ACCSL: variants seen among roughly 807,000 people sequenced by gnomAD.
ACCSL encodes the protein probable inactive 1-aminocyclopropane-1-carboxylate synthase-like protein 2.
Under a neutral mutation model 61.7 loss-of-function variants are expected in ACCSL, and 55 were observed. The ratio of observed to expected loss-of-function variants is 0.89; its 90% CI spans 0.72 to 1.12. The LOEUF (loss-of-function observed/expected upper bound fraction) is 1.12, where lower values mean the gene tolerates loss of function less well. Among genes scored for constraint, ACCSL ranks in the 50% most tolerant of loss-of-function variants. ACCSL has a pLI of 0.00. For synonymous variants in ACCSL, 258 were observed against 264.3 expected, an observed-to-expected ratio of 0.98 and a Z score of 0.23; for missense variants, 632 against 698.0, an observed-to-expected ratio of 0.91 and a Z score of 1.07.
chr11:44,000,154 T>G, the ACCSL span, among the ~76,000 whole-genome samples: 1 of 152,094 alleles, frequency 6.6e-6, no homozygotes, highest in Non-Finnish European at 1.5e-5. Context: ...AGATGGAGTC[T>G]TGCTCTGTTG....
chr11:44,049,726 AACTTTTCTAAACTTCACTCT>A (rs1952623994), intron 1 of ACCSL, among the ~76,000 whole-genome samples: 1 of 152,202 alleles, frequency 6.6e-6, no homozygotes, highest in South Asian at 2.1e-4. Context: ...TAGGCTATTC[AACTTTTCTAAACTTCACTCT>A]TTAAACTGGA....
At chr11:44,028,923 C>CT in the ACCSL span, among the ~76,000 whole-genome samples, 1 of 152,186 alleles carries the variant, frequency 6.6e-6, no homozygotes, top group Non-Finnish European at 1.5e-5. Flanking sequence ...TGGATGTGTC[C>CT]TTTAGAACAG....
chr11:43,975,459 A>G, the ACCSL span, among the ~76,000 whole-genome samples: 6 of 152,204 alleles, frequency 3.9e-5, no homozygotes, highest in Non-Finnish European at 8.8e-5. Context: ...ATTCATGCAG[A>G]CAGAATGTCC....
upstream of ACCSL, chr11:44,047,938 ACCTG>A: frequency 7.0e-7 from 1 of 1,432,742 alleles, no homozygotes; most frequent in Non-Finnish European, 9.4e-7. Flanking sequence ...CCATTCCTGG[ACCTG>A]AGGGTCCAGG....
chr11:43,922,997 G>A, the ACCSL span, among the ~76,000 whole-genome samples: 2 of 152,226 alleles, frequency 1.3e-5, no homozygotes, highest in African/African-American at 2.4e-5. Context: ...TAGCTCGGGT[G>A]GCATTGACAA....
At chr11:43,927,435 A>G in the ACCSL span, among the ~76,000 whole-genome samples, 5 of 152,356 alleles carry the variant, frequency 3.3e-5, no homozygotes, top group Non-Finnish European at 5.9e-5. Context: ...AAAAGCTGCA[A>G]TATGTACTAG....
chr11:44,006,172 C>A, the ACCSL span, among the ~76,000 whole-genome samples: 9 of 152,204 alleles, frequency 5.9e-5, no homozygotes, highest in Non-Finnish European at 8.8e-5. Flanking sequence ...CCTCCTCTGG[C>A]AGCCAGGGCC....
At chr11:43,993,479 G>C in the ACCSL span, among the ~76,000 whole-genome samples, 1 of 152,132 alleles carries the variant, frequency 6.6e-6, no homozygotes, top group Non-Finnish European at 1.5e-5. Context: ...GCTGGTTAGG[G>C]AAGAAATATC....
the ACCSL span, among the ~76,000 whole-genome samples, chr11:44,009,843 C>T: frequency 1.3e-5 from 2 of 152,102 alleles, no homozygotes; most frequent in Non-Finnish European, 2.9e-5. Flanking sequence ...CTCTGGCTGC[C>T]CATAGAAAAG....
chr11:44,038,605 G>C, the ACCSL span, among the ~76,000 whole-genome samples: 1 of 152,038 alleles, frequency 6.6e-6, no homozygotes, highest in Admixed American at 6.6e-5. Context: ...GTTGTTAGAG[G>C]GTAGAGTTAG....
chr11:44,056,409 T>C (rs1952672154), intron 11 of ACCSL, 83 bp downstream of exon 11: 2 of 1,483,522 alleles, frequency 1.3e-6, no homozygotes, highest in Non-Finnish European at 1.8e-6. Context: ...GCCTCTGATG[T>C]GCCCTTAATA....
chr11:43,982,547 C>T, the ACCSL span, among the ~76,000 whole-genome samples: 20,811 of 152,042 alleles, frequency 0.14, 1,544 homozygotes, highest in Non-Finnish European at 0.17. Context: ...ACAACACGTC[C>T]CCACTTTACC....
the ACCSL span, among the ~76,000 whole-genome samples, chr11:44,017,528 A>G: frequency 6.6e-6 from 1 of 152,238 alleles, no homozygotes; most frequent in East Asian, 1.9e-4. Context: ...CACCTGGCCT[A>G]TGGGGGTTAG....
the ACCSL span, among the ~76,000 whole-genome samples, chr11:43,964,904 G>GA: frequency 1.4e-4 from 21 of 152,204 alleles, no homozygotes; most frequent in East Asian, 2.9e-3. Context: ...ATTTTCATCA[G>GA]AAAAACACTC....
At chr11:44,026,729 G>T in the ACCSL span, among the ~76,000 whole-genome samples, 107 of 151,914 alleles carry the variant, frequency 7.0e-4, no homozygotes, top group Non-Finnish European at 1.4e-3. Flanking sequence ...GACTTATCTA[G>T]ACTAATTTTT....
chr11:43,985,638 C>T, the ACCSL span, among the ~76,000 whole-genome samples: 1 of 152,168 alleles, frequency 6.6e-6, no homozygotes, highest in African/African-American at 2.4e-5. Flanking sequence ...TTGAGGGGCA[C>T]GGTCTGGTGA....
At chr11:43,959,852 G>A in the ACCSL span, among the ~76,000 whole-genome samples, 4 of 152,078 alleles carry the variant, frequency 2.6e-5, no homozygotes, top group African/African-American at 7.2e-5. Context: ...TCCTCTTCCC[G>A]CACTTGGGGA....
the ACCSL span, among the ~76,000 whole-genome samples, chr11:44,005,737 A>C: frequency 6.6e-6 from 1 of 152,154 alleles, no homozygotes; most frequent in Non-Finnish European, 1.5e-5. Context: ...CCCCCAGGTA[A>C]AGCTGTGCAG....
rs756832403 is a variant in ACCSL at position 44,053,084 on chromosome 11, T to C, written c.948+16T>C. 6.2e-7 allele frequency: 1 copy of C among 1,607,856 alleles called. No individual in the cohort carries two copies. ...TAGGCTTGAGGTAAGGTGGGAACCA[T>C]ATTTTTAGGATGGCCACTGCTGGTC... On this transcript the variant is annotated intron_variant, in intron 7 of 13. Transcript: ENST00000378832.
Sources: allele counts gnomAD v4.1 joint callset (sites outside exome capture counted in the v4.1 genomes callset), GRCh38; gene constraint gnomAD v4.1.1; transcripts MANE v1.5; gene names NCBI Gene and HGNC (gene_info 2026-07-23, HGNC 2026-07-21).